The following OTUB2 variants were observed in gnomAD, a reference collection of about 807,000 sequenced individuals.
OTUB2 encodes the protein ubiquitin thioesterase OTUB2.
Under a neutral mutation model 25.1 loss-of-function variants are expected in OTUB2, and 21 were observed. That is an observed-to-expected ratio of 0.84 (90% CI 0.59 to 1.21). The LOEUF (loss-of-function observed/expected upper bound fraction) is 1.21. Among genes scored for constraint, OTUB2 ranks in the 50% most tolerant of loss-of-function variants. The pLI, the probability that OTUB2 is intolerant of heterozygous loss-of-function variation, is 0.00. For synonymous variants in OTUB2, 122 were observed against 122.8 expected, an observed-to-expected ratio of 0.99 and a Z score of 0.04; for missense variants, 283 against 298.0, an observed-to-expected ratio of 0.95 and a Z score of 0.37.
rs998186381 is a variant in OTUB2 at position 94,046,252 on chromosome 14, T to C, written c.*330T>C. ...GGTCCCTGCCTATGCTGACATTCCATTGTAGAAAAATGGGGCCTCTGGTGT... is the reference window on the plus strand; with the variant it reads ...GGTCCCTGCCTATGCTGACATTCCACTGTAGAAAAATGGGGCCTCTGGTGT... On this transcript the variant is annotated 3_prime_UTR_variant, in exon 6 of 6. Transcript: ENST00000203664. 8 of 408,542 alleles carry C rather than the reference T, an allele frequency of 2.0e-5. No homozygotes were observed. Among genetic ancestry groups the C allele is most frequent in the African/African-American group, 8.0e-5 (4 of 49,986 alleles). The allele number at this position is 408,542 out of a possible 1,614,324, so 25.3% of individuals were successfully genotyped here. A position where few individuals can be genotyped will look rare whatever the true frequency, so the allele number is the denominator to read the frequency against.
chr14:94,030,679 T>C (rs1259139056), intron 1 of OTUB2, among the ~76,000 whole-genome samples: 4 of 152,184 alleles, frequency 2.6e-5, no homozygotes, highest in African/African-American at 2.4e-5. Context: ...GTCCACGTCC[T>C]AATCCCCACA....
intron 2 of OTUB2, among the ~76,000 whole-genome samples, chr14:94,038,505 T>A (rs899460740): frequency 4.6e-5 from 7 of 152,158 alleles, no homozygotes; most frequent in African/African-American, 1.7e-4. Context: ...TCCAGGCCAG[T>A]TCAGAGGGAC....
At chr14:94,043,756 C>G (rs113972977) in intron 3 of OTUB2, among the ~76,000 whole-genome samples, 25 of 152,344 alleles carry the variant, frequency 1.6e-4, no homozygotes, top group African/African-American at 5.8e-4. Flanking sequence ...CATGCACACA[C>G]ACACAATGCA....
chr14:94,043,982 G>T lies in OTUB2; in HGVS notation c.230G>T (p.Arg77Leu). 1 of 1,614,150 alleles carries T rather than the reference G, an allele frequency of 6.2e-7. No individual in the cohort carries two copies. The highest frequency in any genetic ancestry group is 8.5e-7 in the Non-Finnish European group (1 of 1,179,974). The change falls in exon 4 of 6, where the codon CGC (arginine) becomes CTC (leucine). Residue 77 changes from arginine (R) to leucine (L), a missense_variant. Physicochemically the swap from Arg to Leu is moderately radical, Grantham distance 102. Transcript: ENST00000203664. ...TTCCCCCTCTGTAGGTTCAAAGAAC[G>T]CGTACTGCAGACCCCAAATGACCTT... Reference protein sequence around the residue: ...KSREIFKFKERVLQTPNDLLA... With the variant: ...KSREIFKFKELVLQTPNDLLA...
At chr14:94,043,358 C>T (rs1371318010) in intron 3 of OTUB2, among the ~76,000 whole-genome samples, 1 of 152,224 alleles carries the variant, frequency 6.6e-6, no homozygotes, top group Admixed American at 6.5e-5. Flanking sequence ...TTCCTCCATA[C>T]CTCGTTGCTG....
At chr14:94,026,583 G>C in intron 1 of OTUB2, 43 bp downstream of exon 1, 7 of 1,229,048 alleles carry the variant, frequency 5.7e-6, no homozygotes, top group Non-Finnish European at 7.1e-6. Context: ...CGGGCAGGGG[G>C]CGCGGTGGGC....
intron 3 of OTUB2, among the ~76,000 whole-genome samples, chr14:94,040,911 A>T (rs1389056689): frequency 6.6e-6 from 1 of 152,210 alleles, no homozygotes; most frequent in Non-Finnish European, 1.5e-5. Context: ...GGCAGGGCAC[A>T]TAGGGCCTTG....
intron 3 of OTUB2, among the ~76,000 whole-genome samples, chr14:94,041,575 C>A (rs1359577794): frequency 3.3e-5 from 5 of 152,140 alleles, no homozygotes. Context: ...AACACAAAAA[C>A]CGAGACCATG....
At position 94,044,618 on chromosome 14, in the gene OTUB2, T is replaced by C. The variant is rs2273226; in HGVS notation, c.336T>C (p.Asp112=). Residue 112 remains aspartate (D), a synonymous_variant, in exon 5 of 6, where the codon GAT becomes GAC. Transcript: ENST00000203664. ...GTGTGGTGGAACTGGTAGAGAAGGATGGCTCAGTGTCCAGCCTGCTGAAGG... is the reference window on the plus strand; with the variant it reads ...GTGTGGTGGAACTGGTAGAGAAGGACGGCTCAGTGTCCAGCCTGCTGAAGG... The part of the protein sequence containing the change: ...FYSVVELVEK[D]GSVSSLLKVF... 0.44 allele frequency: 702,872 copies of C among 1,613,572 alleles called. 156,306 individuals carry two copies. Among genetic ancestry groups the C allele is most frequent in the African/African-American group, 0.68 (50,843 of 74,982 alleles).
At chr14:94,038,433 C>T (rs1885097681) in intron 2 of OTUB2, among the ~76,000 whole-genome samples, 1 of 152,194 alleles carries the variant, frequency 6.6e-6, no homozygotes, top group Non-Finnish European at 1.5e-5. Flanking sequence ...TCCAAGACCC[C>T]TTGAAAACCA....
chr14:94,038,032 C>T (rs1378343164), intron 2 of OTUB2, among the ~76,000 whole-genome samples: 1 of 152,284 alleles, frequency 6.6e-6, no homozygotes, highest in African/African-American at 2.4e-5. Flanking sequence ...CCTGGCCGCT[C>T]TCTGCACTCT....
chr14:94,044,122 C>A (rs1403607052), intron 4 of OTUB2, 67 bp downstream of exon 4: 2 of 1,422,128 alleles, frequency 1.4e-6, no homozygotes, highest in South Asian at 1.1e-5. Context: ...GCTGGAGCCC[C>A]TACACAGCCC....
rs762979071 is a variant in OTUB2 at position 94,045,890 on chromosome 14, T to A, written c.673T>A (p.Tyr225Asn). The change falls in exon 6 of 6, where the codon TAC becomes AAC. Residue 225 changes from tyrosine (Y) to asparagine (N), a missense_variant. Tyr to Asn is a moderately radical substitution (Grantham distance 143). Coordinates refer to ENST00000203664, the MANE Select transcript of OTUB2 (RefSeq NM_023112.4). ...TTACCTGCTCTATAAAACATCCCAC[T>A]ACAACATCCTTTATGCAGCCGATAA... ...SVYLLYKTSH[Y>N]NILYAADKH is the part of the protein sequence containing the mutation. 6.2e-6 allele frequency: 10 copies of A among 1,614,198 alleles called. No homozygotes were observed. In the South Asian group the frequency reaches 1.1e-4, roughly 18 times the overall value.
Position 94,026,632 on chromosome 14 carries a change from G to T in OTUB2, c.3+92G>T, listed in dbSNP as rs555946819. On this transcript the variant is annotated intron_variant, in intron 1 of 5. Transcript: ENST00000203664. ...GAGCGGGTGCACCCGCGGGACGGGG[G>T]TCGGACGCGAGGCTCAGCCCCCAGC... The T allele has an allele frequency of 4.1e-4, 489 of 1,193,522 alleles. 2 individuals carry two copies. The African/African-American group carries it at 6.9e-3, about 17-fold the overall frequency. 73.9% of individuals were successfully genotyped at this position (1,193,522 alleles called of 1,614,324 possible).
Position 94,044,664 on chromosome 14 carries a change from T to C in OTUB2, c.382T>C (p.Ser128Pro). 1 of 1,614,204 alleles carries C rather than the reference T, an allele frequency of 6.2e-7. No homozygotes were observed. Among genetic ancestry groups the C allele is most frequent in the Non-Finnish European group, 8.5e-7 (1 of 1,180,042 alleles). The change falls in exon 5 of 6, where the codon TCG becomes CCG. Residue 128 changes from serine to proline, a missense_variant. Transcript: ENST00000203664. ...LLKVFNDQSA[S>P]DHIVQFLRLL... The stretch of plus-strand genomic sequence containing the variant: ...GAAGGTGTTCAACGACCAGAGTGCC[T>C]CGGACCACATCGTGCAGTTCCTGCG...
chr14:94,038,302 A>G (rs1459717812), intron 2 of OTUB2, among the ~76,000 whole-genome samples: 3 of 152,192 alleles, frequency 2.0e-5, no homozygotes, highest in African/African-American at 7.2e-5. Context: ...TGTGTCCCCC[A>G]GAGCCCTCCT....
At chr14:94,042,665 T>A (rs111698630) in intron 3 of OTUB2, among the ~76,000 whole-genome samples, 61 of 152,286 alleles carry the variant, frequency 4.0e-4, no homozygotes, top group African/African-American at 1.4e-3. Flanking sequence ...AGCTGAAGAC[T>A]GAACAGGGGG....
chr14:94,044,813 G>GCT (rs1160654720), intron 5 of OTUB2, 33 bp downstream of exon 5: 1 of 1,583,994 alleles, frequency 6.3e-7, no homozygotes, highest in East Asian at 2.3e-5. Flanking sequence ...CCAGCCCTGG[G>GCT]CTCTGCTCCT....
chr14:94,045,969 T>C lies in OTUB2; in HGVS notation c.*47T>C, dbSNP rs773131366. On this transcript the variant is annotated 3_prime_UTR_variant, in exon 6 of 6. Transcript: ENST00000203664. ...GAACCTGTCACCTAATGGGACTGCA[T>C]TCTGAATGGAACATTCCGGCTCTTC... is the stretch of plus-strand genomic sequence containing the variant. 2 of 1,578,370 alleles carry C rather than the reference T, an allele frequency of 1.3e-6. No homozygotes were observed. Among genetic ancestry groups the C allele is most frequent in the East Asian group, 2.2e-5 (1 of 44,674 alleles).
Sources: allele counts gnomAD v4.1 joint callset (sites outside exome capture counted in the v4.1 genomes callset), GRCh38; gene constraint gnomAD v4.1.1; transcripts MANE v1.5; gene names NCBI Gene and HGNC (gene_info 2026-07-23, HGNC 2026-07-21).